The following TSPAN9 variants were observed in gnomAD, a reference collection of about 807,000 sequenced individuals.
The protein encoded by TSPAN9 is tetraspanin 9.
TSPAN9 carries 16 observed loss-of-function variants against 31.0 expected under a neutral mutation model. The ratio of observed to expected loss-of-function variants is 0.52; its 90% CI spans 0.35 to 0.78. The LOEUF (loss-of-function observed/expected upper bound fraction) is 0.78, where lower values mean the gene tolerates loss of function less well. TSPAN9 is among the 30% of genes least tolerant of loss of function. The pLI, the probability that TSPAN9 is intolerant of heterozygous loss-of-function variation, is 0.01. For synonymous variants in TSPAN9, 145 were observed against 121.6 expected (o/e 1.19, Z -1.27); for missense variants, 272 against 312.5 (o/e 0.87, Z 0.98).
chr12:3,119,476 C>A (rs2098324082), intron 2 of TSPAN9, among the ~76,000 whole-genome samples: 1 of 152,216 alleles, frequency 6.6e-6, no homozygotes, highest in African/African-American at 2.4e-5. Context: ...CAGCCCCTGC[C>A]TTCCAGGAGC....
intron 3 of TSPAN9, among the ~76,000 whole-genome samples, chr12:3,252,192 C>T (rs1862255605): frequency 6.6e-6 from 1 of 152,190 alleles, no homozygotes; most frequent in Admixed American, 6.5e-5. Flanking sequence ...TTCTCTAAGA[C>T]CAGACGCCTC....
intron 3 of TSPAN9, among the ~76,000 whole-genome samples, chr12:3,244,794 G>A (rs993809686): frequency 2.6e-5 from 4 of 152,162 alleles, no homozygotes; most frequent in African/African-American, 4.8e-5. Flanking sequence ...GGTTCACTAG[G>A]CTTGCCTGCC....
At chr12:3,097,939 C>T (rs914178098) in intron 2 of TSPAN9, among the ~76,000 whole-genome samples, 6 of 152,356 alleles carry the variant, frequency 3.9e-5, no homozygotes, top group Admixed American at 3.3e-4. Context: ...GCACCTCCTC[C>T]GTGGAAGTTC....
intron 3 of TSPAN9, among the ~76,000 whole-genome samples, chr12:3,245,149 A>C (rs1444483996): frequency 1.3e-5 from 2 of 152,192 alleles, no homozygotes; most frequent in East Asian, 3.9e-4. Context: ...TCTCTCTGGC[A>C]GCGCCTGGTT....
intron 2 of TSPAN9, among the ~76,000 whole-genome samples, chr12:3,165,024 G>A (rs137910147): frequency 4.3e-4 from 66 of 152,302 alleles, no homozygotes; most frequent in African/African-American, 1.5e-3. Context: ...AGAGGCTCTC[G>A]TCTGGTGGCC....
intron 3 of TSPAN9, among the ~76,000 whole-genome samples, chr12:3,255,934 T>G (rs1380384849): frequency 2.0e-5 from 3 of 152,218 alleles, no homozygotes; most frequent in Non-Finnish European, 4.4e-5. Context: ...AATCAGGATG[T>G]ATGCTTGTGA....
At chr12:3,225,504 C>T (rs1031675962) in intron 3 of TSPAN9, among the ~76,000 whole-genome samples, 2 of 152,168 alleles carry the variant, frequency 1.3e-5, no homozygotes, top group Admixed American at 6.5e-5. Flanking sequence ...GAGTCATGCA[C>T]GTGCAGAAGC....
intron 2 of TSPAN9, among the ~76,000 whole-genome samples, chr12:3,120,421 C>T (rs140868240): frequency 1.3e-5 from 2 of 152,274 alleles, no homozygotes; most frequent in Non-Finnish European, 2.9e-5. Flanking sequence ...CCACCAGCAG[C>T]CACAGCCTTC....
In TSPAN9 at chr12:3,184,228, T is replaced by G. The variant is rs114722887; in HGVS notation, c.-17-16949T>G. The stretch of plus-strand genomic sequence containing the variant: ...GTCTGGGCAACATGGCAAAATCCCA[T>G]CTCTAGAAAAAATACAAAAATTAGC... On this transcript the variant is annotated intron_variant, in intron 2 of 8. Coordinates refer to ENST00000011898, the MANE Select transcript of TSPAN9 (RefSeq NM_006675.5). 8.4e-3 allele frequency among the ~76,000 whole-genome samples: 1,280 copies of G among 151,974 alleles called. 20 individuals carry two copies. Among genetic ancestry groups the G allele is most frequent in the African/African-American group, 0.029 (1,210 of 41,432 alleles).
chr12:3,093,911 G>A (rs964732123), intron 2 of TSPAN9, among the ~76,000 whole-genome samples: 1 of 152,202 alleles, frequency 6.6e-6, no homozygotes, highest in Non-Finnish European at 1.5e-5. Flanking sequence ...CATGCACGCT[G>A]AAGTGCAGTA....
chr12:3,282,809 G>A (rs1425894052), intron 8 of TSPAN9, among the ~76,000 whole-genome samples: 4 of 152,356 alleles, frequency 2.6e-5, no homozygotes, highest in East Asian at 3.9e-4. Context: ...GCAGAGGTTC[G>A]ATGGCTTCTG....
chr12:3,226,775 TATATATATATATATATA>T (rs2098387890), intron 3 of TSPAN9, among the ~76,000 whole-genome samples: 1 of 6,164 alleles, frequency 1.6e-4, no homozygotes, highest in Non-Finnish European at 3.7e-4. Context: ...TATATATATA[TATATATATATATATATA>T]TATTTTTTTT....
chr12:3,229,473 T>C (rs1027700260), intron 3 of TSPAN9, among the ~76,000 whole-genome samples: 2 of 152,246 alleles, frequency 1.3e-5, no homozygotes, highest in African/African-American at 4.8e-5. Context: ...GCAAATCCCA[T>C]GTATTCTCTC....
At chr12:3,207,990 C>G (rs942019850) in intron 3 of TSPAN9, among the ~76,000 whole-genome samples, 7 of 152,216 alleles carry the variant, frequency 4.6e-5, no homozygotes, top group South Asian at 2.1e-4. Flanking sequence ...GTTTCCTCAC[C>G]TTGGACTATA....
At chr12:3,259,669 G>A (rs577511489) in intron 3 of TSPAN9, among the ~76,000 whole-genome samples, 1 of 152,354 alleles carries the variant, frequency 6.6e-6, no homozygotes, top group South Asian at 2.1e-4. Flanking sequence ...GATCATTCTG[G>A]AAAAAGGGAA....
intron 2 of TSPAN9, among the ~76,000 whole-genome samples, chr12:3,122,420 C>T (rs2098325554): frequency 6.6e-6 from 1 of 151,976 alleles, no homozygotes; most frequent in South Asian, 2.1e-4. Flanking sequence ...GTAGCTAGGA[C>T]TTCAGGCACA....
chr12:3,134,367 C>G (rs2098331139), intron 2 of TSPAN9, among the ~76,000 whole-genome samples: 1 of 152,160 alleles, frequency 6.6e-6, no homozygotes, highest in Non-Finnish European at 1.5e-5. Flanking sequence ...AGATTTTGAC[C>G]TGAAAGGGAC....
intron 3 of TSPAN9, among the ~76,000 whole-genome samples, chr12:3,239,567 CAGAG>C (rs1366387840): frequency 1.3e-5 from 2 of 152,194 alleles, no homozygotes; most frequent in African/African-American, 4.8e-5. Context: ...CAAACGAGGT[CAGAG>C]AGAGAGGAGC....
chr12:3,145,985 G>A (rs1043468177), intron 2 of TSPAN9, among the ~76,000 whole-genome samples: 1 of 152,224 alleles, frequency 6.6e-6, no homozygotes, highest in Non-Finnish European at 1.5e-5. Context: ...GAGCCACGGG[G>A]CACGCGGGGC....
Sources: gnomAD v4.1 joint callset for allele counts (sites outside exome capture counted in the v4.1 genomes callset) on GRCh38, gnomAD v4.1.1 for gene constraint, MANE v1.5 for transcripts, NCBI Gene and HGNC (gene_info 2026-07-23, HGNC 2026-07-21) for gene names.